MDGA2: variants seen among roughly 807,000 people sequenced by gnomAD.
The protein encoded by MDGA2 is MAM domain-containing glycosylphosphatidylinositol anchor protein 2.
In MDGA2, 40 loss-of-function variants were observed where a neutral mutation model predicts 117.8. That is an observed-to-expected ratio of 0.34 (90% CI 0.26 to 0.44). The LOEUF (loss-of-function observed/expected upper bound fraction) is 0.44. Ranked by LOEUF, MDGA2 falls within the 20% of genes least tolerant of loss-of-function variation. The probability of loss-of-function intolerance (pLI) is 1.00; values close to 1 mark genes in which losing one functional copy is unlikely to be tolerated. For missense variants in MDGA2, 1,123 were observed against 1,250.6 expected (o/e 0.90, Z 1.54); for synonymous variants, 452 against 439.0 (o/e 1.03, Z -0.37).
rs528928586 is a variant in MDGA2 at position 47,269,293 on chromosome 14, C to T, written c.420+32118G>A. ...TGAAACGATCCATGGTCATCATTAA[C>T]TATATTCATTTATACCATTCTGTAC... On this transcript the variant is annotated intron_variant, in intron 2 of 16. Transcript: ENST00000399232. 4.6e-5 allele frequency among the ~76,000 whole-genome samples: 7 copies of T among 152,246 alleles called. No homozygotes were observed. The South Asian group carries it at 1.5e-3, about 32-fold the overall frequency.
At chr14:46,960,685 A>G (rs1885761367) in intron 8 of MDGA2, 1 of 151,476 alleles carries the variant, frequency 6.6e-6, no homozygotes, top group Admixed American at 6.6e-5. Flanking sequence ...ATATACATAC[A>G]TATGTGTATA....
chr14:47,317,836 T>A (rs1413752480), intron 1 of MDGA2, among the ~76,000 whole-genome samples: 1 of 152,098 alleles, frequency 6.6e-6, no homozygotes, highest in African/African-American at 2.4e-5. Flanking sequence ...CTTTGCCCTG[T>A]CTTCTAGGCC....
intron 7 of MDGA2, among the ~76,000 whole-genome samples, chr14:47,051,058 G>C (rs565751863): frequency 6.6e-6 from 1 of 152,030 alleles, no homozygotes; most frequent in Admixed American, 6.6e-5. Context: ...AAAGGGATAT[G>C]ACTGAATATT....
intron 2 of MDGA2, among the ~76,000 whole-genome samples, chr14:47,258,465 C>T (rs1312287657): frequency 6.6e-6 from 1 of 152,026 alleles, no homozygotes; most frequent in Non-Finnish European, 1.5e-5. Context: ...ATCACAAGAA[C>T]AGCAAGGAAG....
chr14:47,673,632 A>ATATGTGTGTGTGTGTGTG (rs1473067686), intron 1 of MDGA2, among the ~76,000 whole-genome samples: 1 of 143,980 alleles, frequency 6.9e-6, no homozygotes. Context: ...TATGACCTGG[A>ATATGTGTGTGTGTGTGTG]TGTGTGTGTG....
chr14:47,139,847 C>CAT, intron 4 of MDGA2, among the ~76,000 whole-genome samples: 1 of 142,696 alleles, frequency 7.0e-6, no homozygotes, highest in East Asian at 2.0e-4. Flanking sequence ...TATATACACA[C>CAT]ATATATATAC....
chr14:47,440,966 C>G (rs1892999236), intron 1 of MDGA2, among the ~76,000 whole-genome samples: 1 of 152,050 alleles, frequency 6.6e-6, no homozygotes, highest in South Asian at 2.1e-4. Context: ...TGCAAATACA[C>G]AGTCAAACAA....
At chr14:47,099,970 T>C (rs1188370969) in intron 5 of MDGA2, among the ~76,000 whole-genome samples, 1 of 152,034 alleles carries the variant, frequency 6.6e-6, no homozygotes, top group Non-Finnish European at 1.5e-5. Flanking sequence ...CACGAGGCAG[T>C]AAATGGGAAA....
rs867695725 is a variant in MDGA2 at position 47,053,624 on chromosome 14, T to C, written c.1525+7625A>G. On this transcript the variant is annotated intron_variant, in intron 7 of 16. Transcript: ENST00000399232. ...GTGTATATATATATATATATATATATATATATATATATATATATATATATA... is the reference window on the plus strand; with the variant it reads ...GTGTATATATATATATATATATATACATATATATATATATATATATATATA... Among the ~76,000 whole-genome samples the C allele has an allele frequency of 5.7e-4, 46 of 81,164 alleles. 2 individuals are homozygous for C. Among genetic ancestry groups the C allele is most frequent in the African/African-American group, 1.8e-3 (33 of 18,536 alleles). 53.2% of individuals were successfully genotyped at this position (81,164 alleles called of 152,430 possible).
At chr14:46,895,955 T>C (rs2138430602) in intron 10 of MDGA2, among the ~76,000 whole-genome samples, 1 of 152,264 alleles carries the variant, frequency 6.6e-6, no homozygotes, top group Non-Finnish European at 1.5e-5. Flanking sequence ...GTATTGCTAC[T>C]AAAGTTCAAT....
At chr14:46,856,217 T>C (rs1434574214) in intron 14 of MDGA2, among the ~76,000 whole-genome samples, 1 of 152,086 alleles carries the variant, frequency 6.6e-6, no homozygotes, top group Non-Finnish European at 1.5e-5. Flanking sequence ...TACATCTTAA[T>C]CACTAGGCAA....
intron 1 of MDGA2, among the ~76,000 whole-genome samples, chr14:47,606,692 T>C (rs1468006056): frequency 6.6e-6 from 1 of 152,138 alleles, no homozygotes; most frequent in African/African-American, 2.4e-5. Context: ...AGTATACTTA[T>C]AAAGATGTAT....
At chr14:47,181,024 A>T (rs982810092) in intron 3 of MDGA2, among the ~76,000 whole-genome samples, 2 of 152,202 alleles carry the variant, frequency 1.3e-5, no homozygotes, top group African/African-American at 4.8e-5. Flanking sequence ...TAGTGTAAGT[A>T]AGTTCAACCA....
chr14:47,078,080 C>G (rs766221243), intron 6 of MDGA2, among the ~76,000 whole-genome samples: 3 of 152,000 alleles, frequency 2.0e-5, no homozygotes, highest in Non-Finnish European at 4.4e-5. Flanking sequence ...TAGGATATGT[C>G]AATTCAGGGA....
chr14:47,315,535 T>C (rs1889781330), intron 1 of MDGA2, among the ~76,000 whole-genome samples: 1 of 152,164 alleles, frequency 6.6e-6, no homozygotes, highest in African/African-American at 2.4e-5. Flanking sequence ...TTTTCCAAGA[T>C]GCCAGTGTAG....
intron 1 of MDGA2, among the ~76,000 whole-genome samples, chr14:47,358,096 C>T (rs1020522281): frequency 1.3e-5 from 2 of 152,202 alleles, no homozygotes; most frequent in African/African-American, 4.8e-5. Context: ...TGGATCCATA[C>T]ATGCCTGAAT....
intron 9 of MDGA2, among the ~76,000 whole-genome samples, chr14:46,935,315 C>G (rs925139946): frequency 1.3e-5 from 2 of 152,062 alleles, no homozygotes; most frequent in Non-Finnish European, 2.9e-5. Context: ...GTTCTCTTAC[C>G]AATCCAGCTC....
chr14:47,230,362 C>T (rs190827202), intron 2 of MDGA2, among the ~76,000 whole-genome samples: 3 of 152,016 alleles, frequency 2.0e-5, no homozygotes, highest in African/African-American at 7.2e-5. Context: ...TTCAAGTATT[C>T]TAGCAGGTAA....
At chr14:47,170,545 T>C (rs1678728453) in intron 3 of MDGA2, among the ~76,000 whole-genome samples, 1 of 152,100 alleles carries the variant, frequency 6.6e-6, no homozygotes, top group Non-Finnish European at 1.5e-5. Flanking sequence ...CAAGCAAAGA[T>C]TCAAGGATTA....
Sources: allele counts gnomAD v4.1 joint callset (sites outside exome capture counted in the v4.1 genomes callset), GRCh38; gene constraint gnomAD v4.1.1; transcripts MANE v1.5; gene names NCBI Gene and HGNC (gene_info 2026-07-23, HGNC 2026-07-21).